SFPQ: variants seen among roughly 807,000 people sequenced by gnomAD.
SFPQ encodes the protein splicing factor, proline- and glutamine-rich.
Under a neutral mutation model 72.9 loss-of-function variants are expected in SFPQ, and 11 were observed. That is an observed-to-expected ratio of 0.15 (90% CI 0.09 to 0.25). The LOEUF is 0.25. Among genes scored for constraint, SFPQ ranks in the 10% least tolerant of loss-of-function variants. The pLI is 1.00. For synonymous variants in SFPQ, 506 were observed against 367.3 expected, an observed-to-expected ratio of 1.38 and a Z score of -4.32; for missense variants, 847 against 993.3, an observed-to-expected ratio of 0.85 and a Z score of 1.98.
chr1:35,188,948 GAT>G, intron 6 of SFPQ, 53 bp downstream of exon 6: 1 of 1,400,908 alleles, frequency 7.1e-7, no homozygotes, highest in East Asian at 2.3e-5. Context: ...GCAACAGAAT[GAT>G]ACGTTTCAAA....
downstream of SFPQ, chr1:35,179,494 C>T: frequency 9.5e-7 from 1 of 1,054,294 alleles, no homozygotes; most frequent in Non-Finnish European, 1.1e-6. Flanking sequence ...TGGTTTGTAA[C>T]AAAATTATGA....
intron 7 of SFPQ, 52 bp from the exon 8 acceptor site, chr1:35,187,303 A>C: frequency 6.6e-7 from 1 of 1,523,422 alleles, no homozygotes; most frequent in Non-Finnish European, 9.1e-7. Flanking sequence ...CACAGCAAGC[A>C]TTCTTAAGAA....
downstream of SFPQ, chr1:35,182,269 C>T (rs1309264404): frequency 1.0e-6 from 1 of 985,180 alleles, no homozygotes; most frequent in African/African-American, 1.7e-5. Context: ...TTCAACCAAA[C>T]TGTAATGGAT....
chr1:35,186,224 A>T (rs1373270142), intron 9 of SFPQ, among the ~76,000 whole-genome samples: 1 of 152,188 alleles, frequency 6.6e-6, no homozygotes, highest in Non-Finnish European at 1.5e-5. Flanking sequence ...CAGCTATAAA[A>T]ATGCACTCTC....
downstream of SFPQ, chr1:35,180,931 T>C (rs977231764): frequency 1.1e-5 from 11 of 985,222 alleles, no homozygotes; most frequent in Non-Finnish European, 1.2e-5. Context: ...GCACTTTTTA[T>C]CTGAGAACTG....
chr1:35,181,982 A>T, downstream of SFPQ: 1 of 985,408 alleles, frequency 1.0e-6, no homozygotes, highest in Non-Finnish European at 1.2e-6. Context: ...CAGTAAGGGT[A>T]TCAAAAGCCA....
At chr1:35,188,565 C>G (rs1308566088) in intron 6 of SFPQ, among the ~76,000 whole-genome samples, 1 of 152,062 alleles carries the variant, frequency 6.6e-6, no homozygotes, top group East Asian at 1.9e-4. Context: ...GCCTCTAGTC[C>G]CAGCTACTCA....
chr1:35,188,647 C>A (rs1639845836), intron 6 of SFPQ, among the ~76,000 whole-genome samples: 1 of 152,060 alleles, frequency 6.6e-6, no homozygotes, highest in Non-Finnish European at 1.5e-5. Context: ...TCAGCCTGGG[C>A]CCATCTCAAA....
intron 6 of SFPQ, 34 bp from the exon 7 acceptor site, chr1:35,188,124 T>C (rs1339029563): frequency 4.8e-6 from 7 of 1,446,866 alleles, no homozygotes; most frequent in Non-Finnish European, 6.8e-6. Context: ...AACTGAAGTG[T>C]TATCCACATC....
intron 1 of SFPQ, among the ~76,000 whole-genome samples, chr1:35,191,882 C>T (rs563450693): frequency 6.6e-6 from 1 of 152,268 alleles, no homozygotes; most frequent in Non-Finnish European, 1.5e-5. Flanking sequence ...TGCGCCTGCG[C>T]TTTTATGGAA....
chr1:35,190,189 G>A (rs1381946497), intron 4 of SFPQ, among the ~76,000 whole-genome samples: 2 of 152,216 alleles, frequency 1.3e-5, no homozygotes, highest in Non-Finnish European at 2.9e-5. Flanking sequence ...GAACCTGGGA[G>A]GCAGAGGTTG....
At position 35,192,753 on chromosome 1, in the gene SFPQ, C is replaced by T. The variant is rs960629241; in HGVS notation, c.297G>A (p.Pro99=). ...TGGAAGAGTCCTGCGGCGGTGGCGG[C>T]GGCTGCTGCTGCTGATGCGGCTGTG... The part of the protein sequence containing the change: ...PHPQPHQQQQ[P]PPPPQDSSKP... The change falls in exon 1 of 10, where the codon CCG becomes CCA. Residue 99 remains proline (P), a synonymous_variant. Transcript: ENST00000357214. 2 of 1,494,166 alleles carry T rather than the reference C, an allele frequency of 1.3e-6. No individual in the cohort carries two copies. The highest frequency in any genetic ancestry group is 1.4e-5 in the African/African-American group (1 of 69,028). The allele number at this position is 1,494,166 out of a possible 1,614,324, so 92.6% of individuals were successfully genotyped here.
downstream of SFPQ, chr1:35,178,027 T>A: frequency 7.7e-7 from 1 of 1,298,276 alleles, no homozygotes; most frequent in Non-Finnish European, 1.0e-6. Flanking sequence ...CCAACATCAA[T>A]CATTCTTACC....
At chr1:35,181,996 C>A (rs1383015195), downstream of SFPQ, 1 of 985,294 alleles carries the variant, frequency 1.0e-6, no homozygotes, top group East Asian at 1.1e-4. Flanking sequence ...AAAGCCACAA[C>A]TTTCAGGAGA....
intron 1 of SFPQ, 67 bp downstream of exon 1, chr1:35,192,155 G>T (rs1230067244): frequency 2.4e-6 from 3 of 1,239,000 alleles, no homozygotes; most frequent in Admixed American, 4.1e-5. Flanking sequence ...CCAGCGCGGG[G>T]GCGGGGGCGA....
rs1557811144 is a variant in SFPQ, at chr1:35,191,069, C to CT, written c.1018-75dup. 21 of 1,280,830 alleles carry CT rather than the reference C, an allele frequency of 1.6e-5. No individual in the cohort carries two copies. In the South Asian group the frequency reaches 2.5e-4, roughly 15 times the overall value. 79.3% of individuals were successfully genotyped at this position (1,280,830 alleles called of 1,614,324 possible). A position where few individuals can be genotyped will look rare whatever the true frequency, so the allele number is the denominator to read the frequency against. On this transcript the variant is annotated intron_variant, in intron 2 of 9. Coordinates refer to ENST00000357214, the MANE Select transcript of SFPQ (RefSeq NM_005066.3). The stretch of plus-strand genomic sequence containing the variant: ...CTACTCTTAAATTGTCATAGGCCTA[C>CT]TTCCTACTCCCTTTCTTCCTTCAGC...
At chr1:35,180,890 A>T, downstream of SFPQ, 1 of 985,302 alleles carries the variant, frequency 1.0e-6, no homozygotes. Flanking sequence ...AAACCACACA[A>T]CTGAGTCAGA....
At chr1:35,180,849 A>G (rs1639438630), downstream of SFPQ, 1 of 985,258 alleles carries the variant, frequency 1.0e-6, no homozygotes, top group African/African-American at 1.7e-5. Flanking sequence ...GATGTGTTCC[A>G]TGTTATCTTC....
At chr1:35,181,892 G>A (rs766546319), downstream of SFPQ, 23 of 985,068 alleles carry the variant, frequency 2.3e-5, no homozygotes, top group Admixed American at 1.2e-4. Context: ...GTACATTGCT[G>A]TTTTAGTGAT....
Sources: allele counts gnomAD v4.1 joint callset (sites outside exome capture counted in the v4.1 genomes callset), GRCh38; gene constraint gnomAD v4.1.1; transcripts MANE v1.5; gene names NCBI Gene and HGNC (gene_info 2026-07-23, HGNC 2026-07-21).